TDRD12: variants seen among roughly 807,000 people sequenced by gnomAD.
TDRD12 encodes putative ATP-dependent RNA helicase TDRD12.
A neutral mutation model predicts 133.5 loss-of-function variants in TDRD12; 158 were observed. That is an observed-to-expected ratio of 1.18 (90% CI 1.04 to 1.35). TDRD12 has a LOEUF of 1.35. Ranked by LOEUF, TDRD12 falls within the 40% of genes most tolerant of loss-of-function variation. The probability of loss-of-function intolerance (pLI) is 0.00; values close to 1 mark genes in which losing one functional copy is unlikely to be tolerated. For missense variants in TDRD12, 1,443 were observed against 1,321.3 expected (o/e 1.09, Z -1.43); for synonymous variants, 460 against 477.9 (o/e 0.96, Z 0.49).
At chr19:32,738,918 G>C (rs377114275) in exon 3 of TDRD12, 10 of 1,551,404 alleles carry the variant, frequency 6.4e-6, no homozygotes, top group Non-Finnish European at 8.7e-6. Context: ...AATCAATTAC[G>C]TCTTCCGCAG....
intron 16 of TDRD12, 86 bp from the exon 17 acceptor site, chr19:32,800,081 T>C: frequency 1.2e-6 from 1 of 832,134 alleles, no homozygotes; most frequent in Non-Finnish European, 1.8e-6. Context: ...GAACAGAAAA[T>C]ATACAAACCC....
chr19:32,777,748 G>A (rs531366125), intron 11 of TDRD12, among the ~76,000 whole-genome samples: 17 of 136,268 alleles, frequency 1.2e-4, no homozygotes, highest in African/African-American at 4.1e-4. Flanking sequence ...AGGCTCAAGC[G>A]ATCCTCCCAC....
intron 1 of TDRD12, among the ~76,000 whole-genome samples, chr19:32,729,805 T>G (rs1290587376): frequency 1.4e-4 from 19 of 139,630 alleles, no homozygotes; most frequent in Middle Eastern, 3.5e-3. Flanking sequence ...TTTTTTTTTT[T>G]TGTGAGATGG....
intron 10 of TDRD12, 142 bp from the exon 11 acceptor site, chr19:32,777,007 G>A (rs1158309550): frequency 3.5e-6 from 2 of 573,612 alleles, no homozygotes; most frequent in Non-Finnish European, 6.0e-6. Flanking sequence ...TCCCACCTTG[G>A]CCTCCCGAGT....
intron 5 of TDRD12, among the ~76,000 whole-genome samples, chr19:32,749,434 T>C (rs1322264308): frequency 1.3e-5 from 2 of 152,168 alleles, no homozygotes; most frequent in Non-Finnish European, 2.9e-5. Context: ...GTGATGCTGC[T>C]GCTGCGGGGT....
intron 11 of TDRD12, among the ~76,000 whole-genome samples, chr19:32,790,070 A>G (rs186660842): frequency 6.6e-6 from 1 of 152,144 alleles, no homozygotes; most frequent in African/African-American, 2.4e-5. Context: ...GCAGTTTGCC[A>G]TGTGTGTAAC....
chr19:32,768,578 T>A (rs1970362108), intron 8 of TDRD12, among the ~76,000 whole-genome samples: 1 of 152,034 alleles, frequency 6.6e-6, no homozygotes, highest in Non-Finnish European at 1.5e-5. Flanking sequence ...TTGGTCAAGC[T>A]GGTCTCAAAC....
chr19:32,828,528 CTG>C (rs1328837440), exon 10 of TDRD12: 1 of 147,294 alleles, frequency 6.8e-6, no homozygotes, highest in African/African-American at 2.5e-5. Context: ...CCTGTGCACT[CTG>C]TGTCTTGTTT....
At position 32,730,020 on chromosome 19, in the gene TDRD12, G is replaced by A. The variant is rs1008414664; in HGVS notation, c.25-1705G>A. On this transcript the variant is annotated intron_variant, in intron 1 of 27. Coordinates refer to ENST00000444215, the Ensembl canonical transcript of TDRD12. ...TTAGCTAGGATGGTCTCGATCTCCT[G>A]ACCTCGTGATCCGCCCACCTCGGCC... 4.6e-5 allele frequency among the ~76,000 whole-genome samples: 7 copies of A among 151,892 alleles called. 1 individual carries two copies. The highest frequency in any genetic ancestry group is 1.7e-4 in the African/African-American group (7 of 41,414).
chr19:32,773,620 C>A, intron 10 of TDRD12, 88 bp downstream of exon 10: 5 of 1,180,200 alleles, frequency 4.2e-6, no homozygotes, highest in Non-Finnish European at 6.1e-6. Context: ...ATCGCTTAAG[C>A]CCAGGAGGTC....
chr19:32,821,253 A>T (rs887898887), exon 28 of TDRD12: 1 of 916,912 alleles, frequency 1.1e-6, no homozygotes, highest in South Asian at 1.7e-5. Flanking sequence ...ACATAAACTG[A>T]TATCACCTAA....
At chr19:32,820,711 G>A (rs898744919) in intron 27 of TDRD12, among the ~76,000 whole-genome samples, 10 of 152,176 alleles carry the variant, frequency 6.6e-5, no homozygotes, top group Non-Finnish European at 1.2e-4. Flanking sequence ...CTGGGTCAGG[G>A]GAAGCAGGAA....
intron 8 of TDRD12, among the ~76,000 whole-genome samples, chr19:32,763,661 G>A (rs1242321088): frequency 6.6e-6 from 1 of 152,206 alleles, no homozygotes; most frequent in East Asian, 1.9e-4. Flanking sequence ...TTCACTGTGA[G>A]AACCTGCTAG....
chr19:32,742,387 C>T (rs1156937179), intron 3 of TDRD12, among the ~76,000 whole-genome samples: 3 of 152,114 alleles, frequency 2.0e-5, no homozygotes, highest in Non-Finnish European at 4.4e-5. Context: ...TCTTGAATTC[C>T]TGACCTCAGG....
At chr19:32,744,538 A>G (rs1486595304) in intron 4 of TDRD12, among the ~76,000 whole-genome samples, 2 of 150,110 alleles carry the variant, frequency 1.3e-5, no homozygotes, top group Non-Finnish European at 3.0e-5. Context: ...AAGAATATAG[A>G]TAAATCTGTA....
At chr19:32,733,631 T>TGA (rs1427507291) in intron 2 of TDRD12, among the ~76,000 whole-genome samples, 1 of 152,154 alleles carries the variant, frequency 6.6e-6, no homozygotes, top group Non-Finnish European at 1.5e-5. Context: ...GATGCTGAGA[T>TGA]TGACCAGAGG....
At chr19:32,808,874 A>G (rs1966903792) in intron 22 of TDRD12, among the ~76,000 whole-genome samples, 3 of 152,140 alleles carry the variant, frequency 2.0e-5, no homozygotes, top group Non-Finnish European at 2.9e-5. Context: ...TTGTGGATGT[A>G]TCTTTCTAAC....
chr19:32,743,815 G>A (rs1158479615), intron 4 of TDRD12, among the ~76,000 whole-genome samples: 1 of 152,078 alleles, frequency 6.6e-6, no homozygotes, highest in Admixed American at 6.5e-5. Flanking sequence ...AATCACCTGA[G>A]GTCAGGAGTT....
exon 24 of TDRD12, chr19:32,811,272 A>G: frequency 1.3e-6 from 2 of 1,536,128 alleles, no homozygotes; most frequent in Non-Finnish European, 1.7e-6. Flanking sequence ...ATCCTTGTAG[A>G]GTTCATCGAT....
Sources: gnomAD v4.1 joint callset for allele counts (sites outside exome capture counted in the v4.1 genomes callset) on GRCh38, gnomAD v4.1.1 for gene constraint, MANE v1.5 for transcripts, NCBI Gene and HGNC (gene_info 2026-07-23, HGNC 2026-07-21) for gene names.